The following MACF1 variants were observed in gnomAD, a reference collection of about 807,000 sequenced individuals.
MACF1 encodes the protein microtubule actin crosslinking factor 1.
In MACF1, 193 loss-of-function variants were observed where a neutral mutation model predicts 854.8. The observed-to-expected ratio is 0.23, with a 90% CI of 0.20 to 0.25. The LOEUF is 0.25. Ranked by LOEUF, MACF1 falls within the 10% of genes least tolerant of loss-of-function variation. The pLI, the probability that MACF1 is intolerant of heterozygous loss-of-function variation, is 1.00. For synonymous variants in MACF1, 3,185 were observed against 3,226.7 expected, an observed-to-expected ratio of 0.99 and a Z score of 0.44; for missense variants, 7,722 against 8,929.1, an observed-to-expected ratio of 0.86 and a Z score of 5.45.
At chr1:39,452,990 T>C (rs1644366835) in intron 87 of MACF1, among the ~76,000 whole-genome samples, 178 bp downstream of exon 87, 1 of 152,232 alleles carries the variant, frequency 6.6e-6, no homozygotes, top group Non-Finnish European at 1.5e-5. Context: ...TGATGGGTTT[T>C]TTGACACCTT....
chr1:39,380,505 T>G, intron 55 of MACF1, 132 bp downstream of exon 55: 2 of 884,376 alleles, frequency 2.3e-6, no homozygotes, highest in African/African-American at 1.7e-5. Flanking sequence ...AGGATCCAGA[T>G]AGGGCCAGAG....
rs760625466 is a variant in MACF1 at position 39,444,636 on chromosome 1, G to T, written c.19432-26G>T. 3.8e-6 allele frequency: 6 copies of T among 1,592,652 alleles called. No individual in the cohort carries two copies. The African/African-American group carries it at 8.1e-5, about 21-fold the overall frequency. On this transcript the variant is annotated intron_variant, in intron 79 of 100. Transcript: ENST00000564288. ...TGTCTTCCAGAGAATTCGTAGAATT[G>T]ATATCTTTCCTGCCTTTTCTTGTAG...
At chr1:39,163,964 C>A (rs1314233873) in intron 2 of MACF1, among the ~76,000 whole-genome samples, 1 of 152,138 alleles carries the variant, frequency 6.6e-6, no homozygotes, top group African/African-American at 2.4e-5. Context: ...GTATTTCTGT[C>A]ATCTTTTCTC....
intron 61 of MACF1, among the ~76,000 whole-genome samples, chr1:39,426,672 A>G (rs567960959): frequency 2.0e-5 from 3 of 152,174 alleles, no homozygotes; most frequent in Non-Finnish European, 4.4e-5. Context: ...AGTGACAGTC[A>G]TGTATCCCAG....
At chr1:39,441,357 T>TA in intron 74 of MACF1, 32 bp downstream of exon 74, 1 of 1,559,364 alleles carries the variant, frequency 6.4e-7, no homozygotes, top group African/African-American at 1.4e-5. Flanking sequence ...ACCAAGGAAA[T>TA]ACAGGTTCTG....
Position 39,428,064 on chromosome 1 carries a change from T to C in MACF1, c.16580T>C (p.Leu5527Pro). 6.2e-7 allele frequency: 1 copy of C among 1,614,218 alleles called. No individual in the cohort carries two copies. Among genetic ancestry groups the C allele is most frequent in the Non-Finnish European group, 8.5e-7 (1 of 1,180,040 alleles). The change falls in exon 63 of 101, where the codon CTG (leucine) becomes CCG (proline). Residue 5527 changes from leucine (L) to proline (P), a missense_variant. Transcript: ENST00000564288. ...SLTSPAEQGV[L>P]SEKIDSLQAR... ...ACATCTCCTGCAGAACAGGGTGTGC[T>C]GTCAGAAAAGATAGACTCATTGCAG...
chr1:39,105,453 G>A lies in MACF1; in HGVS notation c.220+21015G>A, dbSNP rs1336279571. ...GCGGGCCGGGTGCGAGCGGACTGAG[G>A]AGCGGAGCGCGACTGCCGGGCCGGG... is the stretch of plus-strand genomic sequence containing the variant. On this transcript the variant is annotated intron_variant, in intron 2 of 93. Transcript: ENST00000361689. This position sits in a 1 kb window ranked among gnomAD's most constrained non-coding sequence, Gnocchi z 5.9. The A allele has an allele frequency of 5.0e-6, 5 of 1,004,110 alleles. No homozygotes were observed. Among genetic ancestry groups the A allele is most frequent in the Non-Finnish European group, 4.7e-6 (4 of 844,092 alleles). 62.2% of individuals were successfully genotyped at this position (1,004,110 alleles called of 1,614,324 possible). A position where few individuals can be genotyped will look rare whatever the true frequency, so the allele number is the denominator to read the frequency against.
intron 2 of MACF1, among the ~76,000 whole-genome samples, chr1:39,185,454 T>A (rs1258639667): frequency 2.0e-5 from 3 of 151,826 alleles, no homozygotes; most frequent in Non-Finnish European, 4.4e-5. Context: ...TGATTGTGCC[T>A]GTGTAGTCAC....
At chr1:39,425,934 A>G (rs1643712782) in intron 61 of MACF1, among the ~76,000 whole-genome samples, 1 of 152,122 alleles carries the variant, frequency 6.6e-6, no homozygotes, top group South Asian at 2.1e-4. Flanking sequence ...AGCCTAATAT[A>G]GTTTCTGGGC....
At chr1:39,141,603 T>G (rs1268660473) in intron 2 of MACF1, among the ~76,000 whole-genome samples, 1 of 152,196 alleles carries the variant, frequency 6.6e-6, no homozygotes, top group Non-Finnish European at 1.5e-5. Context: ...GTAAAGTGCT[T>G]AAAATGGTGC....
chr1:39,109,484 C>T (rs956248518), intron 2 of MACF1, among the ~76,000 whole-genome samples: 1 of 152,016 alleles, frequency 6.6e-6, no homozygotes, highest in Admixed American at 6.5e-5. Context: ...ACCATGTTGG[C>T]CAGGCTGGTC....
chr1:39,095,393 T>A (rs1174315791), intron 2 of MACF1, among the ~76,000 whole-genome samples: 1 of 149,836 alleles, frequency 6.7e-6, no homozygotes, highest in Non-Finnish European at 1.5e-5. Flanking sequence ...AAACCCTGTC[T>A]CTATTAAAAA....
chr1:39,465,152 T>C (rs1372484688), intron 95 of MACF1, 40 bp downstream of exon 95: 1 of 1,599,550 alleles, frequency 6.3e-7, no homozygotes, highest in Non-Finnish European at 8.6e-7. Context: ...TCAATGGATA[T>C]GGTCTGTGTA....
intron 2 of MACF1, among the ~76,000 whole-genome samples, chr1:39,138,022 C>T (rs1232158712): frequency 7.4e-6 from 1 of 135,650 alleles, no homozygotes. Context: ...TGCAGTTAGC[C>T]GAGATTGTGC....
In MACF1 at chr1:39,347,060, C is replaced by G. The variant is rs201337132; in HGVS notation, c.10665C>G (p.Ala3555=). The G allele has an allele frequency of 4.8e-4, 780 of 1,614,082 alleles. 4 individuals carry two copies. The highest frequency in any genetic ancestry group is 1.9e-3 in the Admixed American group (115 of 60,018). The change falls in exon 41 of 101, where the codon GCC becomes GCG. Residue 3555 remains alanine (A), a synonymous_variant. Coordinates refer to ENST00000564288, the MANE Select transcript of MACF1 (RefSeq NM_001394062.1). ...FDIQFFISEH[A]QDLSPQQNRQ... ...TTCAGTTCTTTATCTCAGAACATGC[C>G]CAGGACTTGTCCCCTCAGCAGAATC...
At chr1:39,430,587 A>G in intron 65 of MACF1, 115 bp from the exon 66 acceptor site, 1 of 752,254 alleles carries the variant, frequency 1.3e-6, no homozygotes, top group South Asian at 1.7e-5. Context: ...TAACTGAAGG[A>G]AGGAGGTCAG....
chr1:39,084,580 T>A lies in MACF1; in HGVS notation c.220+142T>A. 1 of 731,788 alleles carries A rather than the reference T, an allele frequency of 1.4e-6. No homozygotes were observed. Among genetic ancestry groups the A allele is most frequent in the Non-Finnish European group, 2.2e-6 (1 of 456,240 alleles). The allele number at this position is 731,788 out of a possible 1,614,324, so 45.3% of individuals were successfully genotyped here. On this transcript the variant is annotated intron_variant, in intron 2 of 93. Coordinates refer to the MACF1 transcript ENST00000361689. This position sits in a 1 kb window ranked among gnomAD's most constrained non-coding sequence, Gnocchi z 5.2. The stretch of plus-strand genomic sequence containing the variant: ...ATCATCTGATTTGTTATTATTATTC[T>A]TGGAAAGACGTTGAAATAACATTAA...
At chr1:39,352,228 A>T (rs976366659) in intron 43 of MACF1, among the ~76,000 whole-genome samples, 4 of 152,354 alleles carry the variant, frequency 2.6e-5, no homozygotes, top group African/African-American at 7.2e-5. Flanking sequence ...ATTAAAATAC[A>T]TGTAGAGCCA....
In MACF1 at chr1:39,442,869, A is replaced by G. The variant is rs147314336; in HGVS notation, c.19260A>G (p.Lys6420=). Residue 6420 remains lysine, a synonymous_variant, in exon 78 of 101, where the codon AAA becomes AAG. Coordinates refer to ENST00000564288, the MANE Select transcript of MACF1 (RefSeq NM_001394062.1). ...MNQCWESVLQ[K]TEEREQQLQS... is the part of the protein sequence containing the mutation. ...AATGCTGGGAGTCAGTGTTACAGAA[A>G]ACAGAGGAGAGGGAGCAGCAGCTTC... The G allele has an allele frequency of 1.1e-5, 17 of 1,614,072 alleles. No individual in the cohort carries two copies. The East Asian group carries it at 1.6e-4, about 15-fold the overall frequency.
Sources: allele counts gnomAD v4.1 joint callset (sites outside exome capture counted in the v4.1 genomes callset), GRCh38; gene constraint gnomAD v4.1.1; non-coding constraint Gnocchi (gnomAD v3.1); transcripts MANE v1.5; gene names NCBI Gene and HGNC (gene_info 2026-07-23, HGNC 2026-07-21).